LRMDA: variants seen among roughly 807,000 people sequenced by gnomAD.
The protein encoded by LRMDA is leucine rich melanocyte differentiation associated.
Under a neutral mutation model 29.8 loss-of-function variants are expected in LRMDA, and 18 were observed. The ratio of observed to expected loss-of-function variants is 0.60; its 90% CI spans 0.42 to 0.90. The LOEUF is 0.90. LRMDA is among the 40% of genes least tolerant of loss of function. The probability of loss-of-function intolerance (pLI) is 0.00; values close to 1 mark genes in which losing one functional copy is unlikely to be tolerated. For synonymous variants in LRMDA, 125 were observed against 109.4 expected, an observed-to-expected ratio of 1.14 and a Z score of -0.89; for missense variants, 273 against 273.9, an observed-to-expected ratio of 1.00 and a Z score of 0.02.
chr10:76,070,457 C>T (rs79040303), intron 5 of LRMDA, among the ~76,000 whole-genome samples: 1,574 of 152,292 alleles, frequency 0.01, 28 homozygotes, highest in African/African-American at 0.028. Context: ...ACTCTCCACT[C>T]ATGGTGGAGA....
chr10:76,506,482 G>A (rs897968787), intron 6 of LRMDA, among the ~76,000 whole-genome samples: 5 of 152,012 alleles, frequency 3.3e-5, no homozygotes, highest in Admixed American at 3.3e-4. Flanking sequence ...GCGACAAGAT[G>A]GTGGATCTCC....
chr10:75,887,152 A>C lies in LRMDA; in HGVS notation c.132-148856A>C, dbSNP rs59966201. Among the ~76,000 whole-genome samples the C allele has an allele frequency of 4.7e-5, 7 of 150,250 alleles. No homozygotes were observed. In the East Asian group the frequency reaches 1.4e-3, roughly 29 times the overall value. ...ATAAGTATATATACATTTATACATA[A>C]ATGTAATATTTATATATAAATATAT... On this transcript the variant is annotated intron_variant, in intron 2 of 6. Coordinates refer to ENST00000611255, the MANE Select transcript of LRMDA (RefSeq NM_001305581.2).
At chr10:76,426,359 T>A (rs1842126061) in intron 6 of LRMDA, among the ~76,000 whole-genome samples, 2 of 152,266 alleles carry the variant, frequency 1.3e-5, no homozygotes, top group Non-Finnish European at 2.9e-5. Context: ...CCAGTGATGA[T>A]GAGCATTTTT....
At chr10:76,372,165 A>T (rs1841462115) in intron 6 of LRMDA, among the ~76,000 whole-genome samples, 1 of 152,174 alleles carries the variant, frequency 6.6e-6, no homozygotes, top group South Asian at 2.1e-4. Context: ...GATGGGTATC[A>T]GTTCACTGTG....
chr10:75,548,100 GAA>G (rs1382441108), intron 2 of LRMDA, among the ~76,000 whole-genome samples: 2 of 134,004 alleles, frequency 1.5e-5, no homozygotes, highest in African/African-American at 5.4e-5. Flanking sequence ...GCATTTAAAA[GAA>G]AAAAAAAAAA....
chr10:76,013,188 GT>G (rs1327189645), intron 2 of LRMDA, among the ~76,000 whole-genome samples: 1 of 152,094 alleles, frequency 6.6e-6, no homozygotes, highest in Non-Finnish European at 1.5e-5. Flanking sequence ...AGTGAGGGGG[GT>G]GGTAATGGGA....
intron 2 of LRMDA, 110 bp from the exon 3 acceptor site, chr10:76,035,898 C>A: frequency 7.1e-7 from 1 of 1,403,760 alleles, no homozygotes; most frequent in Non-Finnish European, 9.6e-7. Flanking sequence ...AGGCACCAAG[C>A]CCAAACTATT....
rs370431714 is a variant in LRMDA, at chr10:76,427,418, G to A, written c.601+102933G>A. ...GGCTCTCTGTTTGTCTGTTATTGGT[G>A]TATAAGAATGCTTGTGATTTTTGCA... On this transcript the variant is annotated intron_variant, in intron 6 of 6. Transcript: ENST00000611255. Among the ~76,000 whole-genome samples the A allele has an allele frequency of 1.0e-3, 159 of 152,202 alleles. 1 individual carries two copies. The East Asian group carries it at 0.025, about 24-fold the overall frequency.
rs529789622 is a variant in LRMDA at position 75,537,239 on chromosome 10, C to T, written c.131+98745C>T. On this transcript the variant is annotated intron_variant, in intron 2 of 6. Coordinates refer to ENST00000611255, the MANE Select transcript of LRMDA (RefSeq NM_001305581.2). ...GCCTCATTATTATAACGTGCAACCG[C>T]TGATGGAAGCATCTTTTCCATCACC... 2.4e-4 allele frequency among the ~76,000 whole-genome samples: 37 copies of T among 152,310 alleles called. No homozygotes were observed. The South Asian group carries it at 7.5e-3, about 31-fold the overall frequency.
intron 5 of LRMDA, among the ~76,000 whole-genome samples, chr10:76,253,328 A>G (rs1316517535): frequency 6.6e-6 from 1 of 152,182 alleles, no homozygotes; most frequent in Non-Finnish European, 1.5e-5. Context: ...TTGATCTGCT[A>G]TGAATTGCAT....
chr10:75,482,059 T>C (rs1412982195), intron 2 of LRMDA, among the ~76,000 whole-genome samples: 1 of 152,210 alleles, frequency 6.6e-6, no homozygotes, highest in Non-Finnish European at 1.5e-5. Flanking sequence ...GTTATGTTCC[T>C]AGTTATTCTC....
intron 2 of LRMDA, among the ~76,000 whole-genome samples, chr10:75,699,682 AC>A (rs889579014): frequency 6.6e-6 from 1 of 152,208 alleles, no homozygotes; most frequent in African/African-American, 2.4e-5. Flanking sequence ...TTTCTTCCAT[AC>A]GTACTGTGGT....
intron 5 of LRMDA, among the ~76,000 whole-genome samples, chr10:76,066,322 C>A (rs549590517): frequency 6.6e-6 from 1 of 152,298 alleles, no homozygotes; most frequent in East Asian, 1.9e-4. Flanking sequence ...GAAGAACATG[C>A]ATTAAGTAGT....
At chr10:75,872,121 A>G (rs12413898) in intron 2 of LRMDA, among the ~76,000 whole-genome samples, 44,426 of 151,980 alleles carry the variant, frequency 0.29, 7,246 homozygotes, top group African/African-American at 0.44. Context: ...TACGTGTCTT[A>G]ACTTCTAATA....
chr10:75,867,795 C>T (rs1240018422), intron 2 of LRMDA, among the ~76,000 whole-genome samples: 1 of 152,248 alleles, frequency 6.6e-6, no homozygotes, highest in East Asian at 1.9e-4. Context: ...TCTTTGGAAG[C>T]AGTCAGCAAA....
chr10:75,725,124 T>C lies in LRMDA; in HGVS notation c.131+286630T>C, dbSNP rs150660438. 2.0e-5 allele frequency among the ~76,000 whole-genome samples: 3 copies of C among 152,352 alleles called. No individual in the cohort carries two copies. The East Asian group carries it at 5.8e-4, about 29-fold the overall frequency. On this transcript the variant is annotated intron_variant, in intron 2 of 6. Coordinates refer to ENST00000611255, the MANE Select transcript of LRMDA (RefSeq NM_001305581.2). ...CTGCTTGTGAGGAAATGCAAAGCTG[T>C]ATGGCTAAATGTCCTAAATATTTAT...
chr10:76,435,516 C>G (rs1407488286), intron 6 of LRMDA, among the ~76,000 whole-genome samples: 2 of 152,170 alleles, frequency 1.3e-5, no homozygotes, highest in African/African-American at 4.8e-5. Context: ...TTTTATAAGT[C>G]AAGCACTTTG....
Position 76,083,853 on chromosome 10 carries a change from G to T in LRMDA, c.516+25070G>T, listed in dbSNP as rs1589319293. On this transcript the variant is annotated intron_variant, in intron 5 of 6. Transcript: ENST00000611255. Reference sequence around the variant, plus strand: ...CATCTCAAAAAAAAAAAAAAAAAGGGGCTCTAGTGCATCTTGTGGGGAAGA... The same window carrying T: ...CATCTCAAAAAAAAAAAAAAAAAGGTGCTCTAGTGCATCTTGTGGGGAAGA... Among the ~76,000 whole-genome samples the T allele has an allele frequency of 1.3e-5, 2 of 151,392 alleles. 1 individual carries two copies.
At chr10:76,341,494 A>G (rs1221942093) in intron 6 of LRMDA, among the ~76,000 whole-genome samples, 2 of 152,258 alleles carry the variant, frequency 1.3e-5, no homozygotes, top group Non-Finnish European at 2.9e-5. Context: ...TTTCAAGTCA[A>G]CATAAACACT....
Sources: gnomAD v4.1 joint callset for allele counts (sites outside exome capture counted in the v4.1 genomes callset) on GRCh38, gnomAD v4.1.1 for gene constraint, MANE v1.5 for transcripts, NCBI Gene and HGNC (gene_info 2026-07-23, HGNC 2026-07-21) for gene names.